CTIF: variants seen among roughly 807,000 people sequenced by gnomAD.
CTIF encodes the protein cap binding complex dependent translation initiation factor.
In CTIF, 21 loss-of-function variants were observed where a neutral mutation model predicts 66.0. The ratio of observed to expected loss-of-function variants is 0.32; its 90% CI spans 0.23 to 0.46. The LOEUF (loss-of-function observed/expected upper bound fraction) is 0.46, where lower values mean the gene tolerates loss of function less well. CTIF is among the 20% of genes least tolerant of loss of function. The pLI is 1.00. For synonymous variants in CTIF, 345 were observed against 326.4 expected (o/e 1.06, Z -0.62); for missense variants, 739 against 812.7 (o/e 0.91, Z 1.10).
chr18:48,739,859 C>T (rs1167489535), intron 7 of CTIF, among the ~76,000 whole-genome samples: 2 of 152,232 alleles, frequency 1.3e-5, no homozygotes, highest in African/African-American at 4.8e-5. Flanking sequence ...CTCTCCCTCC[C>T]GTCTTCCTCC....
chr18:48,836,562 C>T (rs2068814860), intron 10 of CTIF, among the ~76,000 whole-genome samples: 1 of 152,204 alleles, frequency 6.6e-6, no homozygotes, highest in Non-Finnish European at 1.5e-5. Context: ...ATCACTTCAG[C>T]CCTCCAGGTC....
chr18:48,752,111 C>G (rs1242945255), intron 7 of CTIF, among the ~76,000 whole-genome samples: 1 of 152,220 alleles, frequency 6.6e-6, no homozygotes, highest in African/African-American at 2.4e-5. Flanking sequence ...ATGCAGTGAG[C>G]TACCACACTT....
At chr18:48,790,534 T>A (rs1040666261) in intron 9 of CTIF, among the ~76,000 whole-genome samples, 1 of 151,840 alleles carries the variant, frequency 6.6e-6, no homozygotes, top group Non-Finnish European at 1.5e-5. Context: ...CCCCTCCCCA[T>A]CCCCCGGACA....
chr18:48,635,672 C>T (rs2090807189), intron 2 of CTIF, among the ~76,000 whole-genome samples: 1 of 152,170 alleles, frequency 6.6e-6, no homozygotes, highest in Non-Finnish European at 1.5e-5. Flanking sequence ...CAATATTCAA[C>T]AACTTCAGCT....
Position 48,683,017 on chromosome 18 carries a change from G to C in CTIF, c.507+12273G>C, listed in dbSNP as rs1410603364. 2.0e-5 allele frequency: 3 copies of C among 152,406 alleles called. No individual in the cohort carries two copies. The East Asian group carries it at 5.8e-4, about 30-fold the overall frequency. 9.4% of individuals were successfully genotyped at this position (152,406 alleles called of 1,614,324 possible). ...ATCTTTCCTTCCAGCGCACTGCTTT[G>C]TGTGTGTGGCAGATGAACCATCCAC... On this transcript the variant is annotated intron_variant, in intron 6 of 11. Transcript: ENST00000256413.
At chr18:48,559,585 A>G (rs1394474985) in intron 1 of CTIF, among the ~76,000 whole-genome samples, 1 of 152,206 alleles carries the variant, frequency 6.6e-6, no homozygotes, top group Non-Finnish European at 1.5e-5. Context: ...TACAGTTTGC[A>G]TCTATTCCAC....
chr18:48,644,419 T>C (rs1030712025), intron 3 of CTIF, among the ~76,000 whole-genome samples: 1 of 152,206 alleles, frequency 6.6e-6, no homozygotes, highest in South Asian at 2.1e-4. Context: ...CCAGGAGCAC[T>C]AGAAGTGTGC....
At chr18:48,721,755 C>CA (rs1196225465) in intron 7 of CTIF, among the ~76,000 whole-genome samples, 1 of 151,898 alleles carries the variant, frequency 6.6e-6, no homozygotes, top group African/African-American at 2.4e-5. Context: ...GTGCATCCCC[C>CA]CCTCTCTGTC....
intron 10 of CTIF, among the ~76,000 whole-genome samples, chr18:48,818,932 G>C (rs769657469): frequency 1.3e-5 from 2 of 152,192 alleles, no homozygotes; most frequent in Non-Finnish European, 2.9e-5. Flanking sequence ...CAGGGAAGGA[G>C]AGCTGTGGGG....
At position 48,861,714 on chromosome 18, in the gene CTIF, C is replaced by T. The variant is rs1392717673; in HGVS notation, c.*2155C>T. 3.3e-5 allele frequency: 5 copies of T among 152,312 alleles called. No individual in the cohort carries two copies. The highest frequency in any genetic ancestry group is 7.3e-5 in the Non-Finnish European group (5 of 68,096). 9.4% of individuals were successfully genotyped at this position (152,312 alleles called of 1,614,324 possible). ...CTCAGAGCAAGCTTCACGCAGGACGCTCCGAAACACTGTGTGGAGGGGGCT... is the reference window on the plus strand; with the variant it reads ...CTCAGAGCAAGCTTCACGCAGGACGTTCCGAAACACTGTGTGGAGGGGGCT... On this transcript the variant is annotated 3_prime_UTR_variant, in exon 12 of 12. Transcript: ENST00000256413.
At position 48,640,921 on chromosome 18, in the gene CTIF, C is replaced by T. The variant is rs149306002; in HGVS notation, c.252+4236C>T. On this transcript the variant is annotated intron_variant, in intron 3 of 11. Coordinates refer to ENST00000256413, the MANE Select transcript of CTIF (RefSeq NM_014772.3). ...GCAACCTAGAAGAGATTGGGTCCCA[C>T]GAGAGAGGAGGAAGAGAGCCCAGAG... Among the ~76,000 whole-genome samples the T allele has an allele frequency of 6.3e-3, 962 of 152,268 alleles. 4 individuals carry two copies. Among genetic ancestry groups the T allele is most frequent in the African/African-American group, 0.02 (840 of 41,546 alleles).
intron 6 of CTIF, among the ~76,000 whole-genome samples, chr18:48,708,977 C>T (rs573304592): frequency 1.1e-4 from 17 of 152,170 alleles, no homozygotes; most frequent in African/African-American, 4.1e-4. Flanking sequence ...GGAAAGATAA[C>T]GATGATGATG....
At chr18:48,817,399 C>A (rs773979209) in intron 10 of CTIF, 23 bp downstream of exon 10, 1 of 1,596,076 alleles carries the variant, frequency 6.3e-7, no homozygotes, top group East Asian at 2.2e-5. Flanking sequence ...CCGCCTGTGC[C>A]CCCTGCACAG....
At chr18:48,718,569 T>C (rs1421073686) in intron 7 of CTIF, among the ~76,000 whole-genome samples, 2 of 152,148 alleles carry the variant, frequency 1.3e-5, no homozygotes, top group Non-Finnish European at 2.9e-5. Flanking sequence ...ATGTCGCCAC[T>C]CAAGAAGAGG....
intron 1 of CTIF, among the ~76,000 whole-genome samples, chr18:48,546,072 G>A (rs924886223): frequency 1.3e-5 from 2 of 152,202 alleles, no homozygotes; most frequent in African/African-American, 2.4e-5. Flanking sequence ...GAGTGGGGAA[G>A]CCCTGGAACC....
intron 1 of CTIF, among the ~76,000 whole-genome samples, chr18:48,590,442 T>C (rs2089864755): frequency 6.6e-6 from 1 of 152,178 alleles, no homozygotes. Context: ...CACCTCAGAA[T>C]TGGAAGGATC....
intron 3 of CTIF, chr18:48,662,380 G>A (rs1056602920): frequency 6.6e-6 from 1 of 151,746 alleles, no homozygotes; most frequent in Non-Finnish European, 1.5e-5. Flanking sequence ...CCTGCAGGCT[G>A]TTGGTGCCCA....
intron 7 of CTIF, among the ~76,000 whole-genome samples, chr18:48,746,432 G>GT (rs1365406950): frequency 6.6e-6 from 1 of 151,566 alleles, no homozygotes; most frequent in Admixed American, 6.6e-5. Context: ...ACTGATTGAA[G>GT]TGAGAACGTG....
intron 9 of CTIF, among the ~76,000 whole-genome samples, chr18:48,811,368 G>T (rs1003665623): frequency 6.6e-6 from 1 of 151,802 alleles, no homozygotes; most frequent in African/African-American, 2.4e-5. Flanking sequence ...AATTTTGTTG[G>T]CCATAACATG....
Sources: allele counts gnomAD v4.1 joint callset (sites outside exome capture counted in the v4.1 genomes callset), GRCh38; gene constraint gnomAD v4.1.1; transcripts MANE v1.5; gene names NCBI Gene and HGNC (gene_info 2026-07-23, HGNC 2026-07-21).